ZDHHC21: variants seen among roughly 807,000 people sequenced by gnomAD.
ZDHHC21 encodes the protein zDHHC palmitoyltransferase 21.
A neutral mutation model predicts 34.6 loss-of-function variants in ZDHHC21; 15 were observed. That is an observed-to-expected ratio of 0.43 (90% CI 0.29 to 0.67). The LOEUF (loss-of-function observed/expected upper bound fraction) is 0.67, where lower values mean the gene tolerates loss of function less well. Among genes scored for constraint, ZDHHC21 ranks in the 30% least tolerant of loss-of-function variants. ZDHHC21 has a pLI of 0.14. For synonymous variants in ZDHHC21, 142 were observed against 101.8 expected (o/e 1.40, Z -2.38); for missense variants, 344 against 327.7 (o/e 1.05, Z -0.38).
chr9:14,610,239 G>C (rs1384304226), downstream of ZDHHC21, among the ~76,000 whole-genome samples: 1 of 151,766 alleles, frequency 6.6e-6, no homozygotes, highest in Admixed American at 6.6e-5. Flanking sequence ...GGAGTCCTGA[G>C]ACCAAAAAGT....
rs1041197309 is a variant in ZDHHC21, at chr9:14,618,058, T to C, written c.*908A>G. ...ATTCCTCTTTATACTGTACATTATA[T>C]ACTATCTAGTTATACTAGCATTTTA... On this transcript the variant is annotated 3_prime_UTR_variant, in exon 10 of 10. Coordinates refer to ENST00000380916, the MANE Select transcript of ZDHHC21 (RefSeq NM_178566.6). The C allele has an allele frequency of 6.6e-6, 1 of 152,538 alleles. No homozygotes were observed. The highest frequency in any genetic ancestry group is 1.5e-5 in the Non-Finnish European group (1 of 67,994). The allele number at this position is 152,538 out of a possible 1,614,324, so 9.4% of individuals were successfully genotyped here.
intron 3 of ZDHHC21, among the ~76,000 whole-genome samples, chr9:14,676,244 T>G (rs929768085): frequency 6.6e-6 from 1 of 151,952 alleles, no homozygotes; most frequent in Non-Finnish European, 1.5e-5. Context: ...TTTTTCTGGT[T>G]GATTAGATAT....
chr9:14,665,639 CA>C (rs1564347386), intron 5 of ZDHHC21, among the ~76,000 whole-genome samples: 1 of 141,882 alleles, frequency 7.0e-6, no homozygotes, highest in Non-Finnish European at 1.5e-5. Context: ...ATCAGACTAA[CA>C]GCGGATCTCT....
intron 5 of ZDHHC21, among the ~76,000 whole-genome samples, chr9:14,664,751 A>ATGG (rs1481692121): frequency 3.9e-5 from 6 of 152,022 alleles, no homozygotes; most frequent in Admixed American, 3.9e-4. Context: ...GACATCTCAC[A>ATGG]CAGCAGGGTA....
At chr9:14,660,535 T>A (rs1180061051) in intron 6 of ZDHHC21, among the ~76,000 whole-genome samples, 1 of 152,126 alleles carries the variant, frequency 6.6e-6, no homozygotes, top group African/African-American at 2.4e-5. Context: ...ACACTGTACA[T>A]TTCCCCTGCT....
intron 7 of ZDHHC21, among the ~76,000 whole-genome samples, chr9:14,654,511 T>C (rs1415125068): frequency 6.6e-6 from 1 of 151,616 alleles, no homozygotes; most frequent in Non-Finnish European, 1.5e-5. Context: ...GGGCCAAATA[T>C]CTGGAAATTG....
chr9:14,661,277 CAAAAT>C (rs146508541), intron 6 of ZDHHC21, among the ~76,000 whole-genome samples: 32,848 of 151,856 alleles, frequency 0.22, 3,832 homozygotes, highest in South Asian at 0.36. Context: ...ACTGTGCTAT[CAAAAT>C]AAGTTATCAA....
intron 8 of ZDHHC21, among the ~76,000 whole-genome samples, chr9:14,639,270 TATC>T (rs1220927720): frequency 6.6e-6 from 1 of 151,954 alleles, no homozygotes; most frequent in Non-Finnish European, 1.5e-5. Flanking sequence ...GAAAGACAAA[TATC>T]ATATTTTCTC....
At chr9:14,670,434 T>A (rs1587355969) in intron 5 of ZDHHC21, among the ~76,000 whole-genome samples, 1 of 152,236 alleles carries the variant, frequency 6.6e-6, no homozygotes, top group South Asian at 2.1e-4. Context: ...ACATGTAAAA[T>A]CATAAAATTC....
chr9:14,599,329 T>A, the ZDHHC21 span, among the ~76,000 whole-genome samples: 18 of 152,066 alleles, frequency 1.2e-4, no homozygotes, highest in Non-Finnish European at 2.4e-4. Context: ...TTGCCTCACT[T>A]GGGAAGCACA....
At chr9:14,639,669 A>C (rs953663765) in intron 8 of ZDHHC21, among the ~76,000 whole-genome samples, 1 of 152,104 alleles carries the variant, frequency 6.6e-6, no homozygotes, top group African/African-American at 2.4e-5. Context: ...TGATGTCTAT[A>C]GTCATATAAA....
intron 8 of ZDHHC21, among the ~76,000 whole-genome samples, chr9:14,627,636 A>C (rs757492461): frequency 6.6e-6 from 1 of 152,174 alleles, no homozygotes; most frequent in Non-Finnish European, 1.5e-5. Flanking sequence ...CAGAAAACAA[A>C]AATGCTTGTA....
downstream of ZDHHC21, among the ~76,000 whole-genome samples, chr9:14,606,838 C>T (rs1441295630): frequency 6.6e-6 from 1 of 151,654 alleles, no homozygotes; most frequent in Non-Finnish European, 1.5e-5. Flanking sequence ...AAAGAATACA[C>T]AAGAGAAAAA....
chr9:14,601,077 G>A, the ZDHHC21 span, among the ~76,000 whole-genome samples: 2 of 152,106 alleles, frequency 1.3e-5, no homozygotes, highest in Non-Finnish European at 2.9e-5. Flanking sequence ...TACCTTTCAG[G>A]ACATAGGCAT....
rs143417072 is a variant in ZDHHC21, at chr9:14,658,809, G to A, written c.444C>T (p.Tyr148=). ...LCFYTELLTC[Y]ALMFSFCHYY... is the part of the protein sequence containing the mutation. ...AGTGGCAGAAAGAAAACATCAGTGC[G>A]TAGCAAGTAAGAAGTTCAGTGTAGA... Residue 148 remains tyrosine (Y), a synonymous_variant, in exon 7 of 10, where the codon TAC becomes TAT. Transcript: ENST00000380916. 1.3e-4 allele frequency: 203 copies of A among 1,613,692 alleles called. No individual in the cohort carries two copies. The African/African-American group carries it at 2.0e-3, about 16-fold the overall frequency.
At chr9:14,626,395 G>A (rs1826208005) in intron 8 of ZDHHC21, among the ~76,000 whole-genome samples, 1 of 151,880 alleles carries the variant, frequency 6.6e-6, no homozygotes, top group African/African-American at 2.4e-5. Context: ...ACCCATAAAT[G>A]TTTAGTTTCC....
chr9:14,644,363 T>C, intron 7 of ZDHHC21, among the ~76,000 whole-genome samples: 1 of 152,312 alleles, frequency 6.6e-6, no homozygotes, highest in East Asian at 1.9e-4. Flanking sequence ...TTCTTTCTCT[T>C]GTCTTACTGC....
downstream of ZDHHC21, among the ~76,000 whole-genome samples, chr9:14,607,445 T>C (rs552484035): frequency 6.6e-6 from 1 of 152,130 alleles, no homozygotes; most frequent in Non-Finnish European, 1.5e-5. Flanking sequence ...TAATCATATA[T>C]CATTATATGA....
chr9:14,620,579 C>T (rs1386756989), intron 8 of ZDHHC21, among the ~76,000 whole-genome samples: 7 of 151,874 alleles, frequency 4.6e-5, no homozygotes, highest in Admixed American at 1.3e-4. Flanking sequence ...TTAAGCAGTA[C>T]TATTCATGCA....
Sources: gnomAD v4.1 joint callset for allele counts (sites outside exome capture counted in the v4.1 genomes callset) on GRCh38, gnomAD v4.1.1 for gene constraint, MANE v1.5 for transcripts, NCBI Gene and HGNC (gene_info 2026-07-23, HGNC 2026-07-21) for gene names.